Variants in COBLL1 observed in about 807,000 individuals in gnomAD.
The protein encoded by COBLL1 is cordon-bleu WH2 repeat protein like 1, also known as cordon-bleu protein-like 1.
COBLL1 carries 50 observed loss-of-function variants against 94.8 expected under a neutral mutation model. That is an observed-to-expected ratio of 0.53 (90% CI 0.42 to 0.67). The LOEUF is 0.67. Ranked by LOEUF, COBLL1 falls within the 30% of genes least tolerant of loss-of-function variation. COBLL1 has a pLI of 0.00. For synonymous variants in COBLL1, 448 were observed against 473.8 expected, an observed-to-expected ratio of 0.95 and a Z score of 0.71; for missense variants, 1,362 against 1,348.7, an observed-to-expected ratio of 1.01 and a Z score of -0.15.
At chr2:164,716,449 G>A (rs780778241) in intron 7 of COBLL1, among the ~76,000 whole-genome samples, 4 of 151,976 alleles carry the variant, frequency 2.6e-5, no homozygotes, top group Non-Finnish European at 5.9e-5. Context: ...CTTTTCAAAT[G>A]AACATTTTCA....
At chr2:164,833,165 T>G (rs1439766042) in intron 2 of COBLL1, among the ~76,000 whole-genome samples, 2 of 151,804 alleles carry the variant, frequency 1.3e-5, no homozygotes, top group African/African-American at 4.8e-5. Flanking sequence ...GCCAGGAGTT[T>G]GAGACCAGCT....
In COBLL1 at chr2:164,683,600, G is replaced by A. The variant is rs1389973240; in HGVS notation, c.*2346C>T. 1 of 152,082 alleles carries A rather than the reference G, an allele frequency of 6.6e-6. No homozygotes were observed. The highest frequency in any genetic ancestry group is 2.4e-5 in the African/African-American group (1 of 41,416). 9.4% of individuals were successfully genotyped at this position (152,082 alleles called of 1,614,324 possible). On this transcript the variant is annotated 3_prime_UTR_variant, in exon 14 of 14. Transcript: ENST00000652658. ...ATAAAATACTACGAACACAATTGAT[G>A]CCTCTTATAAATCTCAATTCAGTCT...
At chr2:164,805,793 C>G (rs918192303) in intron 2 of COBLL1, among the ~76,000 whole-genome samples, 6 of 152,092 alleles carry the variant, frequency 3.9e-5, no homozygotes, top group African/African-American at 1.4e-4. Flanking sequence ...CCATAAATAT[C>G]TGTGTGCAGG....
chr2:164,727,432 C>A (rs1326156071), intron 5 of COBLL1, among the ~76,000 whole-genome samples: 1 of 151,958 alleles, frequency 6.6e-6, no homozygotes, highest in Non-Finnish European at 1.5e-5. Context: ...TACATCATTT[C>A]TATAGATTAA....
chr2:164,736,591 T>C (rs1177304007), intron 3 of COBLL1, among the ~76,000 whole-genome samples: 1 of 152,184 alleles, frequency 6.6e-6, no homozygotes, highest in Non-Finnish European at 1.5e-5. Context: ...CAGAGCTAAT[T>C]ATAAATAATT....
Position 164,722,180 on chromosome 2 carries a change from C to A in COBLL1, c.891G>T (p.Leu297=), listed in dbSNP as rs555664447. 1.9e-6 allele frequency: 3 copies of A among 1,614,078 alleles called. No homozygotes were observed. The African/African-American group carries it at 4.0e-5, about 22-fold the overall frequency. The change falls in exon 7 of 14, where the codon CTG becomes CTT. Residue 297 remains leucine (L), a synonymous_variant. Coordinates refer to ENST00000652658, the MANE Select transcript of COBLL1 (RefSeq NM_001365672.2). ...CACTCTGAGATGCTGGCATCGGGGGCAGTGGAGCCCGCCTCTTCTTGGGTG... is the reference window on the plus strand; with the variant it reads ...CACTCTGAGATGCTGGCATCGGGGGAAGTGGAGCCCGCCTCTTCTTGGGTG... ...SDAPKKRRAP[L]PPMPASQSVP... is the part of the protein sequence containing the mutation.
intron 11 of COBLL1, chr2:164,697,657 T>C (rs1684025362): frequency 6.6e-6 from 1 of 152,156 alleles, no homozygotes; most frequent in Non-Finnish European, 1.5e-5. Flanking sequence ...TTAAAAACCC[T>C]AATTTATTGG....
rs183132116 is a variant in COBLL1 at position 164,691,851 on chromosome 2, T to A, written c.3300+370A>T. On this transcript the variant is annotated intron_variant, in intron 13 of 13. Transcript: ENST00000652658. ...TAGTAACTAATCATGGCAAGAGCTA[T>A]GACTACAAACTTGTAGGTTCCTATC... is the stretch of plus-strand genomic sequence containing the variant. 2.0e-3 allele frequency among the ~76,000 whole-genome samples: 297 copies of A among 152,300 alleles called. 2 individuals are homozygous for A. In the South Asian group the frequency reaches 0.021, roughly 11 times the overall value.
chr2:164,841,249 G>T lies in COBLL1; in HGVS notation c.-50-3C>A, dbSNP rs914668009. On this transcript the variant is annotated splice_polypyrimidine_tract_variant and splice_region_variant and intron_variant, in intron 1 of 13. Coordinates refer to ENST00000652658, the MANE Select transcript of COBLL1 (RefSeq NM_001365672.2). The surrounding 1 kb of genome is among the most constrained non-coding windows in gnomAD (Gnocchi z 5.5). ...AGCTCCCAGGCGGCGCGTCACTGCT[G>T]GGGTGGGAGAGGCCGGCGGGTCAGG... The T allele has an allele frequency of 1.6e-6, 2 of 1,225,884 alleles. No individual in the cohort carries two copies. Among genetic ancestry groups the T allele is most frequent in the Non-Finnish European group, 2.0e-6 (2 of 984,408 alleles). The allele number at this position is 1,225,884 out of a possible 1,614,324, so 75.9% of individuals were successfully genotyped here.
At position 164,695,609 on chromosome 2, in the gene COBLL1, T is replaced by C; in HGVS notation, c.1783A>G (p.Ser595Gly). Residue 595 changes from serine (S) to glycine (G), a missense_variant, in exon 12 of 14, where the codon AGT (serine) becomes GGT (glycine). Coordinates refer to ENST00000652658, the MANE Select transcript of COBLL1 (RefSeq NM_001365672.2). ...SVPDQKLNQPSAEKTKDAAIQ... is the reference protein window; with the variant it reads ...SVPDQKLNQPGAEKTKDAAIQ... Reference sequence around the variant, plus strand: ...GCTGCATCTTTTGTCTTTTCTGCACTGGGTTGATTCAGTTTTTGATCTGGT... The same window carrying C: ...GCTGCATCTTTTGTCTTTTCTGCACCGGGTTGATTCAGTTTTTGATCTGGT... The C allele has an allele frequency of 6.2e-7, 1 of 1,613,968 alleles. No homozygotes were observed. The highest frequency in any genetic ancestry group is 1.1e-5 in the South Asian group (1 of 91,074).
chr2:164,770,297 T>C (rs1177616063), intron 2 of COBLL1, among the ~76,000 whole-genome samples: 4 of 151,256 alleles, frequency 2.6e-5, no homozygotes, highest in Non-Finnish European at 5.9e-5. Context: ...GAGTGCCAGA[T>C]GGAAACAAAA....
chr2:164,742,340 T>C (rs751186547), intron 3 of COBLL1, among the ~76,000 whole-genome samples: 1 of 151,936 alleles, frequency 6.6e-6, no homozygotes, highest in Admixed American at 6.6e-5. Flanking sequence ...AGAAAAAAAG[T>C]TGACTTTTTT....
chr2:164,692,963 A>G (rs906147035), intron 12 of COBLL1, among the ~76,000 whole-genome samples: 2 of 152,272 alleles, frequency 1.3e-5, no homozygotes, highest in African/African-American at 2.4e-5. Flanking sequence ...ATTTTTTGCC[A>G]TGAGAATCAA....
intron 3 of COBLL1, among the ~76,000 whole-genome samples, chr2:164,742,702 A>G (rs1182171382): frequency 6.6e-6 from 1 of 152,196 alleles, no homozygotes; most frequent in Admixed American, 6.5e-5. Flanking sequence ...TTTTGTTTTC[A>G]TCTACTTTAA....
chr2:164,841,984 G>C (rs1324187583), upstream of COBLL1: 1 of 1,539,798 alleles, frequency 6.5e-7, no homozygotes, highest in Non-Finnish European at 8.7e-7. The surrounding 1 kb of genome is among the most constrained non-coding windows in gnomAD (Gnocchi z 5.5). Context: ...CCCGGAGTCC[G>C]GGAGCTCGCC....
Position 164,695,672 on chromosome 2 carries a change from T to C in COBLL1, c.1720A>G (p.Ile574Val), listed in dbSNP as rs368813678. 98 of 1,613,794 alleles carry C rather than the reference T, an allele frequency of 6.1e-5. No homozygotes were observed. Among genetic ancestry groups the C allele is most frequent in the African/African-American group, 4.0e-5 (3 of 74,902 alleles). Residue 574 changes from isoleucine (I) to valine (V), a missense_variant, in exon 12 of 14, where the codon ATA becomes GTA. By Grantham distance (29) the Ile-to-Val change is conservative. Coordinates refer to ENST00000652658, the MANE Select transcript of COBLL1 (RefSeq NM_001365672.2). ...NSEAHETDTAISYKENHLAAS... is the reference protein window; with the variant it reads ...NSEAHETDTAVSYKENHLAAS... Reference sequence around the variant, plus strand: ...GCTAGATGGTTTTCCTTGTAACTTATAGCAGTATCAGTTTCATGTGCCTCA... The same window carrying C: ...GCTAGATGGTTTTCCTTGTAACTTACAGCAGTATCAGTTTCATGTGCCTCA...
chr2:164,692,138 T>G, intron 13 of COBLL1, 83 bp downstream of exon 13: 1 of 1,273,714 alleles, frequency 7.9e-7, no homozygotes, highest in Non-Finnish European at 1.1e-6. Flanking sequence ...TAGATTTACA[T>G]GCTAGAAAAA....
At chr2:164,695,910 C>T in intron 11 of COBLL1, 74 bp from the exon 12 acceptor site, 2 of 1,173,556 alleles carry the variant, frequency 1.7e-6, no homozygotes, top group Admixed American at 2.7e-5. Flanking sequence ...CCTACTTTCT[C>T]CAACCTGAAA....
At chr2:164,822,879 C>T (rs372739706) in intron 2 of COBLL1, among the ~76,000 whole-genome samples, 6 of 151,750 alleles carry the variant, frequency 4.0e-5, no homozygotes, top group Admixed American at 1.3e-4. Flanking sequence ...AAGCGATTCT[C>T]GTGCCTCAGC....
Sources: gnomAD v4.1 joint callset for allele counts (sites outside exome capture counted in the v4.1 genomes callset) on GRCh38, gnomAD v4.1.1 for gene constraint, Gnocchi (gnomAD v3.1) non-coding constraint, MANE v1.5 for transcripts, NCBI Gene and HGNC (gene_info 2026-07-23, HGNC 2026-07-21) for gene names.